Variants in C12orf42 observed in about 807,000 individuals in gnomAD.
The protein encoded by C12orf42 is chromosome 12 open reading frame 42, also known as uncharacterized protein C12orf42.
A neutral mutation model predicts 21.6 loss-of-function variants in C12orf42; 25 were observed. The ratio of observed to expected loss-of-function variants is 1.16; its 90% CI spans 0.84 to 1.62. The LOEUF (loss-of-function observed/expected upper bound fraction) is 1.62. C12orf42 is among the 40% of genes most tolerant of loss of function. The probability of loss-of-function intolerance (pLI) is 0.00; values close to 1 mark genes in which losing one functional copy is unlikely to be tolerated. For synonymous variants in C12orf42, 174 were observed against 175.0 expected (o/e 0.99, Z 0.05); for missense variants, 483 against 459.3 (o/e 1.05, Z -0.47).
the C12orf42 span, among the ~76,000 whole-genome samples, chr12:103,534,985 G>A: frequency 1.3e-5 from 2 of 152,132 alleles, no homozygotes; most frequent in African/African-American, 4.8e-5. Flanking sequence ...GTATCACCTG[G>A]CCCTTATTAT....
chr12:103,484,275 C>A (rs901429664), intron 1 of C12orf42, among the ~76,000 whole-genome samples: 7 of 152,248 alleles, frequency 4.6e-5, no homozygotes, highest in African/African-American at 1.7e-4. Context: ...TACACTCCCA[C>A]AAACAGTGTA....
chr12:103,493,905 G>T (rs1955344590), intron 1 of C12orf42, among the ~76,000 whole-genome samples: 1 of 152,090 alleles, frequency 6.6e-6, no homozygotes, highest in African/African-American at 2.4e-5. Flanking sequence ...CTTAGATAAT[G>T]ATTTCTAACT....
chr12:103,226,644 G>A, the C12orf42 span, among the ~76,000 whole-genome samples: 6 of 152,182 alleles, frequency 3.9e-5, no homozygotes, highest in Admixed American at 2.0e-4. Flanking sequence ...GCCCGACCAG[G>A]TGTGAGGAGG....
the C12orf42 span, among the ~76,000 whole-genome samples, chr12:103,052,626 T>A: frequency 6.6e-6 from 1 of 152,094 alleles, no homozygotes; most frequent in East Asian, 1.9e-4. Flanking sequence ...TTTTTTCACT[T>A]TCATAATGAT....
chr12:103,212,773 A>G, the C12orf42 span, among the ~76,000 whole-genome samples: 7 of 152,130 alleles, frequency 4.6e-5, no homozygotes, highest in East Asian at 1.2e-3. Flanking sequence ...ATACTTCCCT[A>G]AAAAAACACT....
chr12:103,062,114 A>G, the C12orf42 span, among the ~76,000 whole-genome samples: 3,819 of 151,976 alleles, frequency 0.025, 153 homozygotes, highest in African/African-American at 0.087. Flanking sequence ...TGATCTTAGT[A>G]TTCCATTAGC....
chr12:103,369,598 G>T (rs79462563), intron 3 of C12orf42, among the ~76,000 whole-genome samples: 3 of 151,506 alleles, frequency 2.0e-5, no homozygotes, highest in Admixed American at 2.0e-4. Context: ...GTCAGAAGGT[G>T]GGGGAGAGGA....
chr12:103,086,701 T>G, the C12orf42 span, among the ~76,000 whole-genome samples: 1 of 151,958 alleles, frequency 6.6e-6, no homozygotes, highest in South Asian at 2.1e-4. Context: ...CAAGGGAAAT[T>G]TAATACATAT....
chr12:103,421,484 G>A (rs1214884085), intron 2 of C12orf42, among the ~76,000 whole-genome samples: 1 of 151,910 alleles, frequency 6.6e-6, no homozygotes, highest in Non-Finnish European at 1.5e-5. Context: ...TGAGGTGAGA[G>A]CATCATTTGA....
chr12:103,057,808 C>A, the C12orf42 span, among the ~76,000 whole-genome samples: 2 of 152,158 alleles, frequency 1.3e-5, no homozygotes, highest in Admixed American at 1.3e-4. Context: ...CTAATCTACA[C>A]TGTCACCAAC....
chr12:103,106,712 A>G, the C12orf42 span, among the ~76,000 whole-genome samples: 4 of 152,114 alleles, frequency 2.6e-5, 1 homozygote, highest in African/African-American at 9.6e-5. Context: ...AAGAGGAGAA[A>G]AAAAGAAGCA....
chr12:103,474,564 T>G (rs1397995839), intron 2 of C12orf42, among the ~76,000 whole-genome samples: 1 of 151,944 alleles, frequency 6.6e-6, no homozygotes, highest in Non-Finnish European at 1.5e-5. Context: ...AAAGTAAACC[T>G]TTTTCTAAAG....
chr12:103,406,116 A>G (rs1593854376), intron 2 of C12orf42, among the ~76,000 whole-genome samples: 1 of 152,298 alleles, frequency 6.6e-6, no homozygotes, highest in African/African-American at 2.4e-5. Context: ...TTAAATATCA[A>G]TAAATTCAGG....
At chr12:103,535,027 A>C in the C12orf42 span, among the ~76,000 whole-genome samples, 17 of 152,328 alleles carry the variant, frequency 1.1e-4, no homozygotes, top group East Asian at 3.3e-3. Flanking sequence ...TCAGGAAATC[A>C]GGGCAGGAAA....
upstream of C12orf42, among the ~76,000 whole-genome samples, chr12:103,497,209 G>A (rs963211055): frequency 1.3e-5 from 2 of 152,026 alleles, no homozygotes; most frequent in African/African-American, 2.4e-5. Context: ...AATATCCATG[G>A]CTTTGACATA....
intron 5 of C12orf42, among the ~76,000 whole-genome samples, chr12:103,272,338 T>A (rs2035520341): frequency 6.6e-6 from 1 of 152,126 alleles, no homozygotes; most frequent in Non-Finnish European, 1.5e-5. Context: ...TGATAGGAGC[T>A]CTTAGTGTTT....
chr12:103,080,265 TG>T, the C12orf42 span, among the ~76,000 whole-genome samples: 1 of 152,220 alleles, frequency 6.6e-6, no homozygotes. Context: ...AATCCTCACC[TG>T]ATGGTATTTG....
chr12:103,231,979 T>A, the C12orf42 span, among the ~76,000 whole-genome samples: 1 of 152,220 alleles, frequency 6.6e-6, no homozygotes. Flanking sequence ...CATTTGATGT[T>A]GTCAGTGTTT....
At chr12:103,551,629 C>G in the C12orf42 span, among the ~76,000 whole-genome samples, 1 of 152,128 alleles carries the variant, frequency 6.6e-6, no homozygotes, top group East Asian at 1.9e-4. Context: ...CCAGCCTGGT[C>G]AACATGGCAA....
Sources: allele counts gnomAD v4.1 joint callset (sites outside exome capture counted in the v4.1 genomes callset), GRCh38; gene constraint gnomAD v4.1.1; transcripts MANE v1.5; gene names NCBI Gene and HGNC (gene_info 2026-07-23, HGNC 2026-07-21).